The following CHSY1 variants were observed in gnomAD, a reference collection of about 807,000 sequenced individuals.
The protein encoded by CHSY1 is N-acetylgalactosaminyl-proteoglycan 3-beta-glucuronosyltransferase 1.
A neutral mutation model predicts 59.8 loss-of-function variants in CHSY1; 13 were observed. That is an observed-to-expected ratio of 0.22 (90% confidence interval 0.14 to 0.35). CHSY1 has a LOEUF of 0.35. Ranked by LOEUF, CHSY1 falls within the 10% of genes least tolerant of loss-of-function variation. CHSY1 has a pLI of 1.00. For synonymous variants in CHSY1, 459 were observed against 401.2 expected, an observed-to-expected ratio of 1.14 and a Z score of -1.72; for missense variants, 947 against 1,030.6, an observed-to-expected ratio of 0.92 and a Z score of 1.11.
chr15:101,210,494 G>GT lies in CHSY1; in HGVS notation c.816+24587dup, dbSNP rs567466581. 5.9e-5 allele frequency among the ~76,000 whole-genome samples: 9 copies of GT among 152,114 alleles called. No homozygotes were observed. The South Asian group carries it at 8.3e-4, about 14-fold the overall frequency. On this transcript the variant is annotated intron_variant, in intron 2 of 2. Transcript: ENST00000254190. ...TTCTTGAGTTTTAAAATTACAAATAGTTTTTTTTAGTCAAAGAAAACTAGA... is the reference window on the plus strand; with the variant it reads ...TTCTTGAGTTTTAAAATTACAAATAGTTTTTTTTTAGTCAAAGAAAACTAGA...
intron 2 of CHSY1, among the ~76,000 whole-genome samples, chr15:101,205,870 T>A (rs1596441657): frequency 6.6e-6 from 1 of 151,538 alleles, no homozygotes; most frequent in African/African-American, 2.4e-5. Flanking sequence ...GAGAATGGCG[T>A]GAACCCAGGA....
intron 1 of CHSY1, among the ~76,000 whole-genome samples, chr15:101,245,596 G>A (rs79852173): frequency 1.9e-3 from 294 of 152,296 alleles, no homozygotes; most frequent in African/African-American, 6.8e-3. Flanking sequence ...ACAGGGGAAC[G>A]TGAAGCTGCC....
chr15:101,190,854 G>A (rs1182902031), intron 2 of CHSY1, among the ~76,000 whole-genome samples: 2 of 152,154 alleles, frequency 1.3e-5, no homozygotes, highest in Non-Finnish European at 2.9e-5. Context: ...ATGTCATCAG[G>A]GAGATGCAAA....
At chr15:101,251,077 G>T in intron 1 of CHSY1, 60 bp downstream of exon 1, 1 of 1,479,288 alleles carries the variant, frequency 6.8e-7, no homozygotes, top group Non-Finnish European at 9.1e-7. Flanking sequence ...GAGAGCACCC[G>T]GGATGCCGGC....
rs74545602 is a variant in CHSY1 at position 101,235,232 on chromosome 15, C to T, written c.666G>A (p.Gly222=). ...CCTCCCGGCTCATGATCACGCCAGG[C>T]CCCCCCATGCAGAAGTTCTCACCAG... ...LEPGENFCMG[G]PGVIMSREVL... The change falls in exon 2 of 3, where the codon GGG becomes GGA. Residue 222 remains glycine, a synonymous_variant. Coordinates refer to ENST00000254190, the MANE Select transcript of CHSY1 (RefSeq NM_014918.5). The T allele has an allele frequency of 3.5e-4, 567 of 1,613,956 alleles. 1 individual carries two copies. The African/African-American group carries it at 6.5e-3, about 19-fold the overall frequency.
chr15:101,191,587 C>T (rs28635325), intron 2 of CHSY1, among the ~76,000 whole-genome samples: 7,168 of 152,216 alleles, frequency 0.047, 399 homozygotes, highest in East Asian at 0.19. Flanking sequence ...AATGATATGT[C>T]ACTGTAGGTT....
At chr15:101,215,376 T>C (rs182851553) in intron 2 of CHSY1, among the ~76,000 whole-genome samples, 1 of 152,346 alleles carries the variant, frequency 6.6e-6, no homozygotes, top group East Asian at 1.9e-4. Flanking sequence ...AGGGGTAGGA[T>C]ACAAAGTTTA....
At chr15:101,195,086 C>T (rs976432362) in intron 2 of CHSY1, among the ~76,000 whole-genome samples, 5 of 152,100 alleles carry the variant, frequency 3.3e-5, no homozygotes, top group Admixed American at 1.3e-4. Context: ...ACATCACTTA[C>T]GATGAACTAT....
At chr15:101,209,325 T>A (rs1395525675) in intron 2 of CHSY1, among the ~76,000 whole-genome samples, 1 of 152,138 alleles carries the variant, frequency 6.6e-6, no homozygotes, top group Non-Finnish European at 1.5e-5. Flanking sequence ...AGTGTCAAGG[T>A]CATAAAAATC....
chr15:101,185,895 A>G (rs2038355229), intron 2 of CHSY1, among the ~76,000 whole-genome samples: 1 of 151,906 alleles, frequency 6.6e-6, no homozygotes, highest in South Asian at 2.1e-4. Context: ...TTTAACGCCT[A>G]CATCTCCAAC....
Position 101,178,426 on chromosome 15 carries a change from C to T in CHSY1, c.1371G>A (p.Lys457=). Residue 457 remains lysine (K), a synonymous_variant, in exon 3 of 3, where the codon AAG becomes AAA. Coordinates refer to ENST00000254190, the MANE Select transcript of CHSY1 (RefSeq NM_014918.5). ...YILDLLLLYK[K]HKGKKMTVPV... is the part of the protein sequence containing the mutation. ...GGACCGTCATTTTCTTCCCTTTGTG[C>T]TTTTTGTACAGAAGCAGCAGGTCCA... 6.2e-7 allele frequency: 1 copy of T among 1,613,970 alleles called. No individual in the cohort carries two copies. The highest frequency in any genetic ancestry group is 8.5e-7 in the Non-Finnish European group (1 of 1,179,846).
In CHSY1 at chr15:101,248,266, CAT is replaced by C. The variant is rs2039070561; in HGVS notation, c.320+2869_320+2870del. Among the ~76,000 whole-genome samples the C allele has an allele frequency of 2.6e-5, 4 of 152,314 alleles. No individual in the cohort carries two copies. The South Asian group carries it at 8.3e-4, about 32-fold the overall frequency. On this transcript the variant is annotated intron_variant, in intron 1 of 2. Transcript: ENST00000254190. ...CTGCAAAGCACAGTAAAACTGGAAT[CAT>C]ATGTTATACCCTATAACCTCCATCC...
rs374093012 is a variant in CHSY1 at position 101,189,139 on chromosome 15, G to A, written c.817-10159C>T. ...AAGAAACAAGCGCGAACACAAGATC[G>A]AGCCGGCGAGCGTGGCGGGCGAAAG... On this transcript the variant is annotated intron_variant, in intron 2 of 2. Transcript: ENST00000254190. Among the ~76,000 whole-genome samples, 74 of 152,218 alleles carry A rather than the reference G, an allele frequency of 4.9e-4. 1 individual carries two copies. Among genetic ancestry groups the A allele is most frequent in the Non-Finnish European group, 5.3e-4 (36 of 68,040 alleles).
chr15:101,229,535 T>C (rs912425021), intron 2 of CHSY1, among the ~76,000 whole-genome samples: 1 of 152,084 alleles, frequency 6.6e-6, no homozygotes, highest in Admixed American at 6.5e-5. Context: ...CATATATACA[T>C]CCCAAAACAC....
rs1161119322 is a variant in CHSY1, at chr15:101,177,101, A to C, written c.*287T>G. On this transcript the variant is annotated 3_prime_UTR_variant, in exon 3 of 3. Transcript: ENST00000254190. ...TTCACGTTTTCTGCCATAGGACTGG[A>C]GCAAAGGGTCTCAAAAGAAAACATT... 3.2e-6 allele frequency: 1 copy of C among 309,392 alleles called. No homozygotes were observed. The highest frequency in any genetic ancestry group is 2.2e-5 in the African/African-American group (1 of 45,926). 19.2% of individuals were successfully genotyped at this position (309,392 alleles called of 1,614,324 possible). A position where few individuals can be genotyped will look rare whatever the true frequency, so the allele number is the denominator to read the frequency against.
At chr15:101,240,486 C>T (rs58136452) in intron 1 of CHSY1, among the ~76,000 whole-genome samples, 43,493 of 152,046 alleles carry the variant, frequency 0.29, 8,375 homozygotes, top group African/African-American at 0.55. Flanking sequence ...GAGGCCTTGC[C>T]AGAAAAAGCT....
intron 2 of CHSY1, among the ~76,000 whole-genome samples, chr15:101,199,439 G>A (rs910819571): frequency 6.6e-5 from 10 of 152,246 alleles, no homozygotes; most frequent in Admixed American, 2.0e-4. Context: ...GGAGGCGGAA[G>A]TTGCAGTGAG....
chr15:101,226,636 C>T (rs899942816), intron 2 of CHSY1, among the ~76,000 whole-genome samples: 1 of 152,212 alleles, frequency 6.6e-6, no homozygotes, highest in African/African-American at 2.4e-5. Context: ...AAACTTACCA[C>T]ACATACTCCT....
rs74545602 is a variant in CHSY1 at position 101,235,232 on chromosome 15, C to G, written c.666G>C (p.Gly222=). 1.5e-5 allele frequency: 25 copies of G among 1,613,840 alleles called. No individual in the cohort carries two copies. Among genetic ancestry groups the G allele is most frequent in the Non-Finnish European group, 2.0e-5 (24 of 1,179,954 alleles). ...CCTCCCGGCTCATGATCACGCCAGGCCCCCCCATGCAGAAGTTCTCACCAG... is the reference window on the plus strand; with the variant it reads ...CCTCCCGGCTCATGATCACGCCAGGGCCCCCCATGCAGAAGTTCTCACCAG... ...LEPGENFCMG[G]PGVIMSREVL... The change falls in exon 2 of 3, where the codon GGG becomes GGC. Residue 222 remains glycine, a synonymous_variant. Coordinates refer to ENST00000254190, the MANE Select transcript of CHSY1 (RefSeq NM_014918.5).
Sources: gnomAD v4.1 joint callset for allele counts (sites outside exome capture counted in the v4.1 genomes callset) on GRCh38, gnomAD v4.1.1 for gene constraint, MANE v1.5 for transcripts, NCBI Gene and HGNC (gene_info 2026-07-23, HGNC 2026-07-21) for gene names.